The following SPINDOC variants were observed in gnomAD, a reference collection of about 807,000 sequenced individuals.
SPINDOC encodes the protein spindlin interactor and repressor of chromatin binding, also known as spindlin interactor and repressor of chromatin-binding protein.
Under a neutral mutation model 30.7 loss-of-function variants are expected in SPINDOC, and 13 were observed. The observed-to-expected ratio is 0.42, with a 90% CI of 0.28 to 0.67. SPINDOC has a LOEUF of 0.67. SPINDOC is among the 30% of genes least tolerant of loss of function. The pLI, the probability that SPINDOC is intolerant of heterozygous loss-of-function variation, is 0.22. For missense variants in SPINDOC, 438 were observed against 518.0 expected (o/e 0.85, Z 1.50); for synonymous variants, 228 against 211.4 (o/e 1.08, Z -0.68).
In SPINDOC at chr11:63,813,795, C is replaced by T. The variant is rs1273197434; in HGVS notation, c.109C>T (p.Pro37Ser). ...CATGGTGGTGGCCGTAATTCCGCGG[C>T]CCGAGCCGATGCTCAGAGGTGAGGA... Reference protein sequence around the residue: ...EAMVVAVIPRPEPMLRVTQQE... With the variant: ...EAMVVAVIPRSEPMLRVTQQE... Residue 37 changes from proline (P) to serine (S), a missense_variant, in exon 1 of 6, where the codon CCC becomes TCC. This residue lies in a region of SPINDOC where 129 missense variants were observed against 152.7 expected (regional missense o/e 0.84). Transcript: ENST00000294244. The T allele has an allele frequency of 2.5e-6, 4 of 1,578,610 alleles. No individual in the cohort carries two copies. The African/African-American group carries it at 4.2e-5, about 16-fold the overall frequency.
chr11:63,822,385 CAAAG>C (rs1255504832), intron 5 of SPINDOC, among the ~76,000 whole-genome samples: 111 of 120,342 alleles, frequency 9.2e-4, no homozygotes, highest in African/African-American at 1.5e-3. Flanking sequence ...AAAAAAGAAA[CAAAG>C]AAAAAAGGCA....
chr11:63,823,011 G>A (rs1321381216), intron 5 of SPINDOC: 1 of 1,047,086 alleles, frequency 9.6e-7, no homozygotes, highest in Admixed American at 2.4e-5. Context: ...GGTTGGAGAT[G>A]CCTGGGAAAC....
intron 5 of SPINDOC, among the ~76,000 whole-genome samples, chr11:63,820,415 AAG>A (rs2015481235): frequency 1.3e-5 from 2 of 151,444 alleles, no homozygotes; most frequent in African/African-American, 2.4e-5. Context: ...AAAAAAAAAA[AAG>A]AAGCTTACAT....
rs1185716609 is a variant in SPINDOC, at chr11:63,826,925, C to T, written c.935-3C>T. The T allele has an allele frequency of 2.1e-6, 3 of 1,454,858 alleles. No individual in the cohort carries two copies. The highest frequency in any genetic ancestry group is 2.0e-4 in the Middle Eastern group (1 of 4,894). 90.1% of individuals were successfully genotyped at this position (1,454,858 alleles called of 1,614,324 possible). A position where few individuals can be genotyped will look rare whatever the true frequency, so the allele number is the denominator to read the frequency against. ...ACTGCTCTCTGCTCTCATCCCTGCC[C>T]AGCTCCCCCTCCGGGGCTCCGCGGG... On this transcript the variant is annotated splice_polypyrimidine_tract_variant and splice_region_variant and intron_variant, in intron 5 of 5. Transcript: ENST00000294244.
chr11:63,813,626 G>A lies in SPINDOC; in HGVS notation c.-61G>A. 7.0e-7 allele frequency: 1 copy of A among 1,423,660 alleles called. No homozygotes were observed. Among genetic ancestry groups the A allele is most frequent in the Non-Finnish European group, 9.2e-7 (1 of 1,083,746 alleles). The allele number at this position is 1,423,660 out of a possible 1,614,324, so 88.2% of individuals were successfully genotyped here. A position where few individuals can be genotyped will look rare whatever the true frequency, so the allele number is the denominator to read the frequency against. On this transcript the variant is annotated 5_prime_UTR_variant, in exon 1 of 6. Transcript: ENST00000294244. ...GGCCAGGAGGCGGGAGGCGGTTGCCGGCTGCGCGCCGAAGCCTGCGCGCCA... is the reference window on the plus strand; with the variant it reads ...GGCCAGGAGGCGGGAGGCGGTTGCCAGCTGCGCGCCGAAGCCTGCGCGCCA...
intron 1 of SPINDOC, among the ~76,000 whole-genome samples, chr11:63,816,475 A>G (rs1019733842): frequency 3.9e-5 from 6 of 152,074 alleles, no homozygotes; most frequent in African/African-American, 7.2e-5. Flanking sequence ...ATTTCTGCCC[A>G]TGGTCGCATG....
At chr11:63,826,706 C>T (rs541200808) in intron 5 of SPINDOC, among the ~76,000 whole-genome samples, 4 of 152,294 alleles carry the variant, frequency 2.6e-5, no homozygotes, top group Admixed American at 2.6e-4. Flanking sequence ...TGGCTTGTCC[C>T]TAGGGAGGCT....
intron 5 of SPINDOC, among the ~76,000 whole-genome samples, chr11:63,821,637 T>C (rs1372655931): frequency 6.6e-6 from 1 of 152,110 alleles, no homozygotes; most frequent in East Asian, 1.9e-4. Flanking sequence ...TAGGTAGGAG[T>C]GCACGTCTCC....
intron 1 of SPINDOC, among the ~76,000 whole-genome samples, chr11:63,814,867 C>T (rs1035199700): frequency 6.6e-6 from 1 of 152,226 alleles, no homozygotes. Context: ...GAGGCTGTCT[C>T]AGTTAATCCT....
At chr11:63,819,849 G>A (rs1412281028) in intron 5 of SPINDOC, among the ~76,000 whole-genome samples, 4 of 152,162 alleles carry the variant, frequency 2.6e-5, no homozygotes, top group African/African-American at 4.8e-5. Flanking sequence ...CACTGGGTCC[G>A]GGTAGGCCAG....
chr11:63,818,657 A>G lies in SPINDOC; in HGVS notation c.733+5A>G. 6.2e-7 allele frequency: 1 copy of G among 1,613,480 alleles called. No individual in the cohort carries two copies. ...AAAACCTGGACCCTGACCCAGGTGA[A>G]GGGGAGGCCCGGGGGAGGCGTGGGC... On this transcript the variant is annotated splice_donor_5th_base_variant and intron_variant, in intron 4 of 5. Coordinates refer to ENST00000294244, the MANE Select transcript of SPINDOC (RefSeq NM_138471.3). The surrounding 1 kb of genome is among the most constrained non-coding windows in gnomAD (Gnocchi z 5.3).
At chr11:63,822,562 G>GC (rs1208483183) in intron 5 of SPINDOC, 1 of 1,267,114 alleles carries the variant, frequency 7.9e-7, no homozygotes. Flanking sequence ...CTAAATTTGA[G>GC]CCCCCCGTTT....
At chr11:63,823,107 C>A in intron 5 of SPINDOC, 2 of 1,277,128 alleles carry the variant, frequency 1.6e-6, no homozygotes, top group Non-Finnish European at 2.0e-6. Flanking sequence ...AGTGAGACAG[C>A]CTTTGTCCCC....
chr11:63,813,942 C>A, intron 1 of SPINDOC, 129 bp downstream of exon 1: 1 of 1,231,362 alleles, frequency 8.1e-7, no homozygotes, highest in Non-Finnish European at 1.1e-6. Flanking sequence ...AGGTTTCCCT[C>A]TCGGATCTGG....
chr11:63,814,584 A>C (rs1009217292), intron 1 of SPINDOC, among the ~76,000 whole-genome samples: 1 of 152,168 alleles, frequency 6.6e-6, no homozygotes, highest in African/African-American at 2.4e-5. Flanking sequence ...CTTAATATGC[A>C]TGAAAATGCA....
intron 1 of SPINDOC, among the ~76,000 whole-genome samples, chr11:63,815,199 A>G (rs1484768349): frequency 6.6e-6 from 1 of 152,220 alleles, no homozygotes; most frequent in African/African-American, 2.4e-5. Flanking sequence ...GGGTTTTCTA[A>G]TAAGGTGAAT....
At chr11:63,819,280 G>A (rs528921051) in intron 5 of SPINDOC, among the ~76,000 whole-genome samples, 7 of 152,324 alleles carry the variant, frequency 4.6e-5, no homozygotes, top group East Asian at 1.9e-4. Context: ...GCACAAGCCC[G>A]GCTCACTACA....
chr11:63,817,853 C>T lies in SPINDOC; in HGVS notation c.176C>T (p.Ala59Val), dbSNP rs1305261637. ...TPPPRPSPLE[A>V]GSDGCEEPKQ... ...CCGCCTAGACCCAGCCCGCTAGAGG[C>T]AGGCAGTGATGGCTGTGAGGAGCCG... is the stretch of plus-strand genomic sequence containing the variant. Residue 59 changes from alanine (A) to valine (V), a missense_variant, in exon 2 of 6, where the codon GCA (alanine) becomes GTA (valine). Around this residue, in one of 3 missense-constraint regions of SPINDOC, gnomAD observed 129 missense variants for 152.7 expected, o/e 0.84. Transcript: ENST00000294244. 1 of 1,609,502 alleles carries T rather than the reference C, an allele frequency of 6.2e-7. No individual in the cohort carries two copies. The highest frequency in any genetic ancestry group is 8.5e-7 in the Non-Finnish European group (1 of 1,178,062).
At position 63,818,385 on chromosome 11, in the gene SPINDOC, A is replaced by C; in HGVS notation, c.607+20A>C. The C allele has an allele frequency of 6.2e-7, 1 of 1,612,330 alleles. No individual in the cohort carries two copies. Among genetic ancestry groups the C allele is most frequent in the Non-Finnish European group, 8.5e-7 (1 of 1,179,108 alleles). On this transcript the variant is annotated intron_variant, in intron 3 of 5. Transcript: ENST00000294244. This position sits in a 1 kb window ranked among gnomAD's most constrained non-coding sequence, Gnocchi z 5.3. ...TTCCTGGTTAGTCAACAGAGAAGCC[A>C]GTGAGCCCCGGTGGAGGTGGGGGTT... is the stretch of plus-strand genomic sequence containing the variant.
Sources: gnomAD v4.1 joint callset for allele counts (sites outside exome capture counted in the v4.1 genomes callset) on GRCh38, gnomAD v4.1.1 for gene constraint, gnomAD v4.1.1 regional missense constraint, Gnocchi (gnomAD v3.1) non-coding constraint, MANE v1.5 for transcripts, NCBI Gene and HGNC (gene_info 2026-07-23, HGNC 2026-07-21) for gene names.